The following LNPK variants were observed in gnomAD, a reference collection of about 807,000 sequenced individuals.
The protein encoded by LNPK is lunapark, ER junction formation factor.
LNPK carries 29 observed loss-of-function variants against 55.2 expected under a neutral mutation model. The observed-to-expected ratio is 0.53, with a 90% CI of 0.39 to 0.72. The LOEUF (loss-of-function observed/expected upper bound fraction) is 0.72, where lower values mean the gene tolerates loss of function less well. Ranked by LOEUF, LNPK falls within the 30% of genes least tolerant of loss-of-function variation. The probability of loss-of-function intolerance (pLI) is 0.00; values close to 1 mark genes in which losing one functional copy is unlikely to be tolerated. For synonymous variants in LNPK, 162 were observed against 168.2 expected (o/e 0.96, Z 0.29); for missense variants, 467 against 494.8 (o/e 0.94, Z 0.53).
intron 8 of LNPK, among the ~76,000 whole-genome samples, chr2:175,960,442 C>T (rs1183904568): frequency 6.6e-6 from 1 of 152,050 alleles, no homozygotes; most frequent in African/African-American, 2.4e-5. Flanking sequence ...AACTGAACAA[C>T]CTGCTCCTGA....
chr2:175,987,541 G>A (rs1687484904), intron 4 of LNPK, among the ~76,000 whole-genome samples: 1 of 152,114 alleles, frequency 6.6e-6, no homozygotes, highest in South Asian at 2.1e-4. Flanking sequence ...GGGGAGCAGG[G>A]AGGGATAGCA....
At position 175,963,148 on chromosome 2, in the gene LNPK, G is replaced by A. The variant is rs1490439110; in HGVS notation, c.493+1224C>T. Among the ~76,000 whole-genome samples, 6 of 148,618 alleles carry A rather than the reference G, an allele frequency of 4.0e-5. No homozygotes were observed. The East Asian group carries it at 5.9e-4, about 15-fold the overall frequency. On this transcript the variant is annotated intron_variant, in intron 8 of 12. Transcript: ENST00000272748. ...CAACCCTTGTGGAAGTCAGTGTGGC[G>A]ATTCCTCAGGGATCTAGAACTAGAA...
intron 4 of LNPK, among the ~76,000 whole-genome samples, chr2:175,981,336 T>C (rs990884075): frequency 4.6e-5 from 7 of 152,214 alleles, no homozygotes; most frequent in African/African-American, 7.2e-5. Flanking sequence ...AAAAGGTCCA[T>C]GCAGTGAGGA....
rs3931917 is a variant in LNPK, at chr2:175,951,607, A to C, written c.494-3915T>G. Among the ~76,000 whole-genome samples, 855 of 120,926 alleles carry C rather than the reference A, an allele frequency of 7.1e-3. 27 individuals are homozygous for C. The highest frequency in any genetic ancestry group is 9.8e-3 in the Non-Finnish European group (514 of 52,472). 79.3% of individuals were successfully genotyped at this position (120,926 alleles called of 152,430 possible). ...TTCATATATATATATATATATATAT[A>C]TATCTCAGTTTCTTTATCCACTCAT... On this transcript the variant is annotated intron_variant, in intron 8 of 12. Transcript: ENST00000272748.
At chr2:175,968,971 T>C (rs1574865240) in intron 6 of LNPK, among the ~76,000 whole-genome samples, 1 of 151,450 alleles carries the variant, frequency 6.6e-6, no homozygotes, top group Middle Eastern at 3.5e-3. Flanking sequence ...TGACCCGAGA[T>C]TGCACCACTG....
intron 5 of LNPK, 67 bp downstream of exon 5, chr2:175,979,743 G>C: frequency 2.3e-6 from 3 of 1,287,926 alleles, no homozygotes; most frequent in Non-Finnish European, 3.2e-6. Context: ...TTTACAACCT[G>C]TCTTACCAGC....
At chr2:175,989,398 A>T (rs1442389147) in intron 4 of LNPK, among the ~76,000 whole-genome samples, 10 of 152,196 alleles carry the variant, frequency 6.6e-5, no homozygotes, top group Non-Finnish European at 1.5e-4. Context: ...ATATCTTATG[A>T]TGATGATCAG....
At chr2:175,999,689 G>A (rs1408465499) in intron 1 of LNPK, among the ~76,000 whole-genome samples, 1 of 152,176 alleles carries the variant, frequency 6.6e-6, no homozygotes, top group South Asian at 2.1e-4. Context: ...AACATGTACA[G>A]AGTGTTTCTT....
chr2:175,976,041 T>C (rs1165886973), intron 5 of LNPK, among the ~76,000 whole-genome samples: 2 of 152,034 alleles, frequency 1.3e-5, no homozygotes, highest in African/African-American at 4.8e-5. Flanking sequence ...AAAGAAACTG[T>C]AAGGTTCAGG....
intron 8 of LNPK, among the ~76,000 whole-genome samples, chr2:175,961,494 A>T (rs1483883706): frequency 3.3e-5 from 5 of 152,224 alleles, no homozygotes; most frequent in African/African-American, 1.2e-4. Context: ...CTTCGACAAA[A>T]TTCAACAGCC....
intron 5 of LNPK, among the ~76,000 whole-genome samples, chr2:175,971,293 A>C (rs1209619145): frequency 6.6e-6 from 1 of 152,120 alleles, no homozygotes; most frequent in East Asian, 1.9e-4. Flanking sequence ...ATTGCATCTG[A>C]GAAGGGACAT....
intron 8 of LNPK, among the ~76,000 whole-genome samples, chr2:175,957,204 A>C (rs934757083): frequency 6.6e-6 from 1 of 151,958 alleles, no homozygotes; most frequent in African/African-American, 2.4e-5. Flanking sequence ...CTAAAACTAC[A>C]AAAATTAGCC....
At chr2:175,995,950 C>T (rs990115785) in intron 1 of LNPK, among the ~76,000 whole-genome samples, 3 of 150,976 alleles carry the variant, frequency 2.0e-5, no homozygotes, top group African/African-American at 7.3e-5. Flanking sequence ...GTAGCTGGGA[C>T]TACAGGTGCG....
intron 8 of LNPK, among the ~76,000 whole-genome samples, chr2:175,956,278 C>CAA (rs10630601): frequency 0.43 from 46,731 of 107,950 alleles, 8,742 homozygotes; most frequent in African/African-American, 0.47. Flanking sequence ...ACCATGTATT[C>CAA]AAAAAAAAAA....
chr2:175,989,859 G>A (rs1185827988), intron 4 of LNPK, among the ~76,000 whole-genome samples: 1 of 152,048 alleles, frequency 6.6e-6, no homozygotes, highest in African/African-American at 2.4e-5. Context: ...AATTTCAAAG[G>A]ATATTAGAGT....
At chr2:175,985,214 G>A (rs1218149699) in intron 4 of LNPK, among the ~76,000 whole-genome samples, 3 of 152,194 alleles carry the variant, frequency 2.0e-5, no homozygotes, top group Admixed American at 6.5e-5. Flanking sequence ...GGAGGAAGAT[G>A]TGTATGGCTA....
intron 6 of LNPK, among the ~76,000 whole-genome samples, chr2:175,964,937 GATTT>G (rs1187565110): frequency 6.6e-6 from 1 of 152,164 alleles, no homozygotes; most frequent in Non-Finnish European, 1.5e-5. Context: ...CAATTCCTCA[GATTT>G]ATTTCCTCAT....
At chr2:175,990,194 T>C (rs1687638420) in intron 4 of LNPK, among the ~76,000 whole-genome samples, 1 of 152,202 alleles carries the variant, frequency 6.6e-6, no homozygotes, top group African/African-American at 2.4e-5. Flanking sequence ...TGGGGCCTAA[T>C]GGGAGTTGTT....
At chr2:176,001,298 C>A (rs760870414) in intron 1 of LNPK, among the ~76,000 whole-genome samples, 1 of 152,066 alleles carries the variant, frequency 6.6e-6, no homozygotes, top group African/African-American at 2.4e-5. Flanking sequence ...AATGCTGACA[C>A]CCAGGCCATA....
Sources: allele counts gnomAD v4.1 joint callset (sites outside exome capture counted in the v4.1 genomes callset), GRCh38; gene constraint gnomAD v4.1.1; transcripts MANE v1.5; gene names NCBI Gene and HGNC (gene_info 2026-07-23, HGNC 2026-07-21).